The following ARMC9 variants were observed in gnomAD, a reference collection of about 807,000 sequenced individuals.
The protein encoded by ARMC9 is lisH domain-containing protein ARMC9.
A neutral mutation model predicts 107.0 loss-of-function variants in ARMC9; 94 were observed. The observed-to-expected ratio is 0.88, with a 90% confidence interval of 0.74 to 1.04. The LOEUF (loss-of-function observed/expected upper bound fraction) is 1.04, where lower values mean the gene tolerates loss of function less well. ARMC9 is among the 50% of genes least tolerant of loss of function. The pLI, the probability that ARMC9 is intolerant of heterozygous loss-of-function variation, is 0.00. For missense variants in ARMC9, 942 were observed against 1,030.1 expected (o/e 0.91, Z 1.17); for synonymous variants, 380 against 396.9 (o/e 0.96, Z 0.51).
At chr2:231,304,708 T>C (rs1181775358) in intron 19 of ARMC9, among the ~76,000 whole-genome samples, 1 of 152,214 alleles carries the variant, frequency 6.6e-6, no homozygotes, top group East Asian at 1.9e-4. Flanking sequence ...CAAATGTTGA[T>C]ACATTTTATT....
At chr2:231,352,025 C>T (rs1428465349) in intron 21 of ARMC9, among the ~76,000 whole-genome samples, 4 of 151,958 alleles carry the variant, frequency 2.6e-5, no homozygotes, top group Non-Finnish European at 4.4e-5. Context: ...TGGAGTATAG[C>T]GGCACAATCA....
intron 20 of ARMC9, among the ~76,000 whole-genome samples, chr2:231,338,162 G>T (rs1227273455): frequency 5.3e-5 from 8 of 152,072 alleles, no homozygotes; most frequent in Non-Finnish European, 1.2e-4. Context: ...GCAAAATTAG[G>T]TATCAAAGCG....
chr2:231,279,738 C>T (rs1299706003), intron 16 of ARMC9, among the ~76,000 whole-genome samples: 2 of 151,996 alleles, frequency 1.3e-5, no homozygotes, highest in African/African-American at 4.8e-5. Context: ...TCTTGAACTC[C>T]TGACCTTGTG....
intron 19 of ARMC9, among the ~76,000 whole-genome samples, chr2:231,296,875 A>T (rs1225843437): frequency 1.3e-5 from 2 of 152,206 alleles, no homozygotes; most frequent in African/African-American, 4.8e-5. Flanking sequence ...TTTCCTTCAG[A>T]TACCTAGGAA....
In ARMC9 at chr2:231,358,736, A is replaced by C. The variant is rs1198196228; in HGVS notation, c.2132-2018A>C. 1.3e-5 allele frequency among the ~76,000 whole-genome samples: 2 copies of C among 152,222 alleles called. No individual in the cohort carries two copies. The highest frequency in any genetic ancestry group is 2.9e-5 in the Non-Finnish European group (2 of 68,036). Reference sequence around the variant, plus strand: ...TGAGGAGGAACCTGTTGGACCCTCAAACTGCTTGATCGGTTGAGTGCAGGC... The same window carrying C: ...TGAGGAGGAACCTGTTGGACCCTCACACTGCTTGATCGGTTGAGTGCAGGC... On this transcript the variant is annotated intron_variant, in intron 22 of 24. Transcript: ENST00000611582. This position sits in a 1 kb window ranked among gnomAD's most constrained non-coding sequence, Gnocchi z 4.5.
At chr2:231,245,086 A>T (rs1485081530) in intron 9 of ARMC9, among the ~76,000 whole-genome samples, 1 of 152,174 alleles carries the variant, frequency 6.6e-6, no homozygotes, top group Non-Finnish European at 1.5e-5. Context: ...GCACTCCCAG[A>T]GGGTTTATAA....
intron 21 of ARMC9, among the ~76,000 whole-genome samples, chr2:231,353,618 G>A (rs1202486930): frequency 7.3e-5 from 11 of 151,330 alleles, no homozygotes; most frequent in South Asian, 2.1e-4. Flanking sequence ...CCAAGCCAGA[G>A]TCCAGCAGGT....
intron 7 of ARMC9, 110 bp from the exon 8 acceptor site, chr2:231,235,111 ATTG>A: frequency 8.5e-7 from 1 of 1,175,726 alleles, no homozygotes; most frequent in Non-Finnish European, 1.2e-6. Context: ...TGTCCAGTTT[ATTG>A]TTACAAGAAA....
chr2:231,340,386 C>T (rs924338212), intron 20 of ARMC9, among the ~76,000 whole-genome samples: 13 of 152,144 alleles, frequency 8.5e-5, no homozygotes, highest in African/African-American at 2.9e-4. Context: ...CAAAATAATC[C>T]TAAGCCAAAG....
In ARMC9 at chr2:231,345,087, C is replaced by T. The variant is rs762917109; in HGVS notation, c.1991C>T (p.Pro664Leu). ...CCCGGCGGCCACAGAAACGGGTACC[C>T]AGTGTAAGTCAGGGCTAAAGGAAGC... ...VTPGGHRNGY[P>L]VVEDQHTPPQ... The change falls in exon 21 of 25, where the codon CCA (proline) becomes CTA (leucine). Residue 664 changes from proline to leucine, a missense_variant. Physicochemically the swap from Pro to Leu is moderately conservative, Grantham distance 98. Coordinates refer to ENST00000611582, the MANE Select transcript of ARMC9 (RefSeq NM_001352754.2). The T allele has an allele frequency of 6.2e-7, 1 of 1,613,356 alleles. No homozygotes were observed. Among genetic ancestry groups the T allele is most frequent in the East Asian group, 2.2e-5 (1 of 44,830 alleles).
chr2:231,298,909 A>G (rs1317194836), intron 19 of ARMC9, among the ~76,000 whole-genome samples: 1 of 152,138 alleles, frequency 6.6e-6, no homozygotes, highest in Non-Finnish European at 1.5e-5. Context: ...ACTCCAGCCT[A>G]GGCAACAAAG....
At chr2:231,238,340 A>G (rs183586392) in intron 8 of ARMC9, among the ~76,000 whole-genome samples, 8 of 152,132 alleles carry the variant, frequency 5.3e-5, no homozygotes, top group African/African-American at 1.9e-4. Flanking sequence ...TACAAGATGA[A>G]AAAGGTATGT....
chr2:231,211,265 A>C (rs1412236248), intron 3 of ARMC9, among the ~76,000 whole-genome samples: 1 of 152,022 alleles, frequency 6.6e-6, no homozygotes, highest in African/African-American at 2.4e-5. Flanking sequence ...TCATGCCTGT[A>C]ATCCCAGCAC....
intron 1 of ARMC9, among the ~76,000 whole-genome samples, chr2:231,201,174 C>A (rs972163996): frequency 1.3e-5 from 2 of 152,166 alleles, no homozygotes; most frequent in Non-Finnish European, 2.9e-5. Context: ...TCTTCTCTCC[C>A]CTTTTGCATC....
intron 12 of ARMC9, among the ~76,000 whole-genome samples, chr2:231,262,713 G>A (rs756457780): frequency 2.0e-5 from 3 of 152,144 alleles, no homozygotes; most frequent in Non-Finnish European, 4.4e-5. Context: ...AGAGGGACAA[G>A]GTAGGTAAGC....
At chr2:231,234,683 A>G (rs1027779262) in intron 7 of ARMC9, among the ~76,000 whole-genome samples, 3 of 152,164 alleles carry the variant, frequency 2.0e-5, no homozygotes, top group Admixed American at 1.3e-4. Flanking sequence ...GGCTCACTGC[A>G]ACTGCTGCCT....
At chr2:231,314,834 G>A (rs1031347559) in intron 19 of ARMC9, among the ~76,000 whole-genome samples, 4 of 152,214 alleles carry the variant, frequency 2.6e-5, no homozygotes, top group African/African-American at 9.6e-5. Flanking sequence ...TTTTGTGTGT[G>A]ATGTGAGATA....
At chr2:231,293,021 C>T (rs942028617) in intron 18 of ARMC9, among the ~76,000 whole-genome samples, 2 of 152,128 alleles carry the variant, frequency 1.3e-5, no homozygotes, top group East Asian at 1.9e-4. Flanking sequence ...GTCGCAGAAA[C>T]GAGGGTGTCC....
rs1030615692 is a variant in ARMC9 at position 231,376,549 on chromosome 2, G to A, written c.*5014G>A. On this transcript the variant is annotated 3_prime_UTR_variant, in exon 25 of 25. Transcript: ENST00000611582. ...CCGCCTAATAAATTTTGGTCAGACC[G>A]GTTGCTCTCAAACCCTGTCTCCTGA... is the stretch of plus-strand genomic sequence containing the variant. Among the ~76,000 whole-genome samples the A allele has an allele frequency of 2.0e-5, 3 of 152,094 alleles. No homozygotes were observed. Among genetic ancestry groups the A allele is most frequent in the Admixed American group, 6.6e-5 (1 of 15,262 alleles).
Sources: allele counts gnomAD v4.1 joint callset (sites outside exome capture counted in the v4.1 genomes callset), GRCh38; gene constraint gnomAD v4.1.1; non-coding constraint Gnocchi (gnomAD v3.1); transcripts MANE v1.5; gene names NCBI Gene and HGNC (gene_info 2026-07-23, HGNC 2026-07-21).